Variants in CHN2 observed in about 807,000 individuals in gnomAD.
CHN2 encodes the protein beta-chimaerin.
In CHN2, 35 loss-of-function variants were observed where a neutral mutation model predicts 56.3. The observed-to-expected ratio is 0.62, with a 90% CI of 0.47 to 0.82. The LOEUF (loss-of-function observed/expected upper bound fraction) is 0.82. CHN2 is among the 40% of genes least tolerant of loss of function. CHN2 has a pLI of 0.00. For missense variants in CHN2, 491 were observed against 580.5 expected (o/e 0.85, Z 1.58); for synonymous variants, 210 against 212.8 (o/e 0.99, Z 0.12).
At chr7:29,439,970 G>A (rs1476863629) in intron 6 of CHN2, among the ~76,000 whole-genome samples, 1 of 152,222 alleles carries the variant, frequency 6.6e-6, no homozygotes, top group East Asian at 1.9e-4. Flanking sequence ...CCTAGTAAGA[G>A]AAGGAGCTGG....
intron 5 of CHN2, chr7:29,400,278 C>G (rs1802095302): frequency 6.0e-6 from 3 of 500,616 alleles, no homozygotes; most frequent in Non-Finnish European, 1.1e-5. Context: ...GGGTTAAGCC[C>G]CACCTCTGCC....
At chr7:29,308,282 C>T (rs1003547564) in intron 1 of CHN2, among the ~76,000 whole-genome samples, 1 of 152,164 alleles carries the variant, frequency 6.6e-6, no homozygotes, top group Non-Finnish European at 1.5e-5. Context: ...TTTCCTCTGC[C>T]TTGAATACCC....
intron 1 of CHN2, among the ~76,000 whole-genome samples, chr7:29,290,192 G>A (rs1040456165): frequency 2.0e-5 from 3 of 152,144 alleles, no homozygotes; most frequent in African/African-American, 7.2e-5. Flanking sequence ...CTGCATTCAC[G>A]TTCTTTTTCT....
chr7:29,287,293 G>A (rs1330064630), intron 1 of CHN2, among the ~76,000 whole-genome samples: 1 of 152,206 alleles, frequency 6.6e-6, no homozygotes, highest in South Asian at 2.1e-4. Context: ...GGATCTGAAA[G>A]AGGATGGCAC....
chr7:29,419,786 A>T (rs1804145036), intron 6 of CHN2, among the ~76,000 whole-genome samples: 1 of 152,214 alleles, frequency 6.6e-6, no homozygotes, highest in Admixed American at 6.5e-5. Context: ...ACCACAAGGA[A>T]ATATTATCTC....
chr7:29,405,924 C>T (rs1052444684), intron 6 of CHN2, among the ~76,000 whole-genome samples: 2 of 152,146 alleles, frequency 1.3e-5, no homozygotes, highest in African/African-American at 2.4e-5. Flanking sequence ...TGTGCTTGAA[C>T]AGAGGCCGTG....
intron 1 of CHN2, among the ~76,000 whole-genome samples, chr7:29,302,772 T>A (rs1793797201): frequency 6.6e-6 from 1 of 152,064 alleles, no homozygotes; most frequent in Non-Finnish European, 1.5e-5. Context: ...TCTCCTCCCC[T>A]CTCCAGAACC....
rs372201838 is a variant in CHN2, at chr7:29,218,883, G to C, written c.49+23893G>C. On this transcript the variant is annotated intron_variant, in intron 1 of 12. Coordinates refer to ENST00000222792, the MANE Select transcript of CHN2 (RefSeq NM_004067.4). ...ACGAGTTAATGGGTGCAGCACACCA[G>C]CATGGCACATGTATACATATGTAAC... Among the ~76,000 whole-genome samples, 33 of 151,448 alleles carry C rather than the reference G, an allele frequency of 2.2e-4. No homozygotes were observed. The East Asian group carries it at 6.0e-3, about 28-fold the overall frequency.
intron 10 of CHN2, among the ~76,000 whole-genome samples, chr7:29,506,716 T>G (rs1355281092): frequency 3.9e-5 from 6 of 152,138 alleles, no homozygotes; most frequent in Non-Finnish European, 8.8e-5. Flanking sequence ...ATTAAAGTCC[T>G]AGGGGATCAG....
intron 1 of CHN2, among the ~76,000 whole-genome samples, chr7:29,225,351 G>C (rs1391956757): frequency 6.6e-6 from 1 of 152,066 alleles, no homozygotes; most frequent in Non-Finnish European, 1.5e-5. Context: ...TTATTATAGA[G>C]TAGTTGTTTG....
chr7:29,312,183 G>C (rs941185966), intron 1 of CHN2, among the ~76,000 whole-genome samples: 2 of 152,058 alleles, frequency 1.3e-5, no homozygotes, highest in Non-Finnish European at 2.9e-5. Flanking sequence ...TTTTGAAATG[G>C]CATTACATTT....
At chr7:29,286,906 A>G (rs1033911152) in intron 1 of CHN2, among the ~76,000 whole-genome samples, 1 of 152,186 alleles carries the variant, frequency 6.6e-6, no homozygotes, top group Non-Finnish European at 1.5e-5. Flanking sequence ...CTACCTGAAG[A>G]CCAAGAGCTT....
At chr7:29,243,185 C>CAATTTTTTT (rs1244496094) in intron 1 of CHN2, among the ~76,000 whole-genome samples, 1 of 151,916 alleles carries the variant, frequency 6.6e-6, no homozygotes, top group Non-Finnish European at 1.5e-5. Context: ...TCAATTTTTT[C>CAATTTTTTT]AATTTTTTTA....
At chr7:29,194,674 C>T (rs1011906140), upstream of CHN2, 29 of 364,570 alleles carry the variant, frequency 8.0e-5, no homozygotes, top group African/African-American at 5.5e-4. Context: ...CTCGGCCTCC[C>T]TCTGCTCCCA....
chr7:29,336,759 C>CAAAA (rs5883205), intron 1 of CHN2, among the ~76,000 whole-genome samples: 1 of 68,580 alleles, frequency 1.5e-5, no homozygotes, highest in Non-Finnish European at 2.5e-5. Flanking sequence ...GATTCTGTCT[C>CAAAA]AAAAAAAAAA....
chr7:29,256,095 T>C (rs1584884419), intron 1 of CHN2, among the ~76,000 whole-genome samples: 1 of 152,258 alleles, frequency 6.6e-6, no homozygotes, highest in Non-Finnish European at 1.5e-5. Flanking sequence ...GTTCATTTCA[T>C]GTAAACAATT....
chr7:29,438,933 A>G (rs1008828652), intron 6 of CHN2, among the ~76,000 whole-genome samples: 1 of 152,218 alleles, frequency 6.6e-6, no homozygotes. Flanking sequence ...AGAGGCACTG[A>G]TACTGTTTTC....
chr7:29,189,299 C>CA lies in CHN2; in HGVS notation c.274+42340dup, dbSNP rs1371928944. ...CCCAGGCCTCGTATACTCCCTGGCACATAATGAGTGTTTAGTCAACATGAC... is the reference window on the plus strand; with the variant it reads ...CCCAGGCCTCGTATACTCCCTGGCACAATAATGAGTGTTTAGTCAACATGAC... On this transcript the variant is annotated intron_variant, in intron 2 of 6. Transcript: ENST00000439384. 2.6e-5 allele frequency among the ~76,000 whole-genome samples: 4 copies of CA among 152,022 alleles called. No individual in the cohort carries two copies. In the East Asian group the frequency reaches 7.7e-4, roughly 29 times the overall value.
intron 6 of CHN2, among the ~76,000 whole-genome samples, chr7:29,471,809 C>A (rs1383202784): frequency 6.6e-6 from 1 of 152,118 alleles, no homozygotes; most frequent in Non-Finnish European, 1.5e-5. Flanking sequence ...GCTTAAATGG[C>A]CTCAAATAAA....
Sources: gnomAD v4.1 joint callset for allele counts (sites outside exome capture counted in the v4.1 genomes callset) on GRCh38, gnomAD v4.1.1 for gene constraint, MANE v1.5 for transcripts, NCBI Gene and HGNC (gene_info 2026-07-23, HGNC 2026-07-21) for gene names.